The following RNF216 variants were observed in gnomAD, a reference collection of about 807,000 sequenced individuals.
RNF216 encodes the protein E3 ubiquitin-protein ligase RNF216.
RNF216 carries 72 observed loss-of-function variants against 110.8 expected under a neutral mutation model. The ratio of observed to expected loss-of-function variants is 0.65; its 90% CI spans 0.54 to 0.79. RNF216 has a LOEUF of 0.79. Among genes scored for constraint, RNF216 ranks in the 30% least tolerant of loss-of-function variants. RNF216 has a pLI of 0.00. For synonymous variants in RNF216, 495 were observed against 407.5 expected (o/e 1.21, Z -2.59); for missense variants, 1,342 against 1,141.2 (o/e 1.18, Z -2.54).
chr7:5,671,805 C>CAAAAAAAAAAAAAA (rs11319565), intron 13 of RNF216, among the ~76,000 whole-genome samples: 7 of 54,216 alleles, frequency 1.3e-4, no homozygotes, highest in Non-Finnish European at 1.6e-4. Context: ...AACTCCGTCT[C>CAAAAAAAAAAAAAA]AAAAAAAAAA....
chr7:5,758,586 G>C (rs1409512473), intron 2 of RNF216, among the ~76,000 whole-genome samples: 1 of 152,176 alleles, frequency 6.6e-6, no homozygotes, highest in Non-Finnish European at 1.5e-5. Flanking sequence ...ATGAATGTGA[G>C]ATGTGGAGTC....
chr7:5,736,981 T>A (rs1794456806), intron 5 of RNF216, among the ~76,000 whole-genome samples: 1 of 151,442 alleles, frequency 6.6e-6, no homozygotes, highest in Non-Finnish European at 1.5e-5. Flanking sequence ...TTCTGGGAAG[T>A]GAGGAGCCCC....
intron 1 of RNF216, among the ~76,000 whole-genome samples, chr7:5,763,929 C>G (rs1425707041): frequency 6.6e-6 from 1 of 152,164 alleles, no homozygotes; most frequent in Non-Finnish European, 1.5e-5. Context: ...CAGCTCATGG[C>G]TGTAATCTAA....
At chr7:5,643,740 G>A (rs1171385618) in intron 14 of RNF216, among the ~76,000 whole-genome samples, 7 of 152,164 alleles carry the variant, frequency 4.6e-5, no homozygotes, top group African/African-American at 1.7e-4. Flanking sequence ...GATATTTTGA[G>A]TATTCACGAT....
chr7:5,739,484 T>A, intron 4 of RNF216, 132 bp from the exon 5 acceptor site: 1 of 873,542 alleles, frequency 1.1e-6, no homozygotes, highest in South Asian at 1.4e-5. Flanking sequence ...GGTCTGTGTG[T>A]GTCTTCAAAT....
chr7:5,759,262 C>G (rs1272695326), intron 2 of RNF216, among the ~76,000 whole-genome samples: 1 of 152,094 alleles, frequency 6.6e-6, no homozygotes, highest in Non-Finnish European at 1.5e-5. Flanking sequence ...AATTGTGAAC[C>G]AATTAAACCT....
Position 5,712,771 on chromosome 7 carries a change from G to A in RNF216, c.1926C>T (p.Tyr642=). 1 of 1,614,074 alleles carries A rather than the reference G, an allele frequency of 6.2e-7. No individual in the cohort carries two copies. Among genetic ancestry groups the A allele is most frequent in the Non-Finnish European group, 8.5e-7 (1 of 1,180,022 alleles). ...KVLPQTILYK[Y]YERKAEEEVA... ...CCTCCTCCTCGGCTTTTCGCTCATA[G>A]TACTTATACAGGATGGTCTGGGGGA... is the stretch of plus-strand genomic sequence containing the variant. The change falls in exon 12 of 17, where the codon TAC becomes TAT. Residue 642 remains tyrosine, a synonymous_variant. Transcript: ENST00000389902.
At chr7:5,652,820 G>A (rs1334109310) in intron 13 of RNF216, among the ~76,000 whole-genome samples, 1 of 152,088 alleles carries the variant, frequency 6.6e-6, no homozygotes, top group Non-Finnish European at 1.5e-5. Context: ...TGGGGGAGGA[G>A]AGGGGAGTGG....
At chr7:5,735,810 G>C (rs1397161069) in intron 5 of RNF216, among the ~76,000 whole-genome samples, 3 of 152,186 alleles carry the variant, frequency 2.0e-5, no homozygotes, top group Non-Finnish European at 4.4e-5. Flanking sequence ...AAGATTAAGG[G>C]AAGGCCAGGT....
At chr7:5,716,042 CA>C (rs1793042408) in intron 10 of RNF216, among the ~76,000 whole-genome samples, 1 of 152,024 alleles carries the variant, frequency 6.6e-6, no homozygotes, top group Non-Finnish European at 1.5e-5. Flanking sequence ...CATCCAGCCC[CA>C]TTCTTTTATT....
At chr7:5,644,728 C>T (rs1026965158) in intron 14 of RNF216, among the ~76,000 whole-genome samples, 1 of 152,110 alleles carries the variant, frequency 6.6e-6, no homozygotes, top group Non-Finnish European at 1.5e-5. Context: ...TGGTCTTAAA[C>T]TCCTGGGCTT....
At chr7:5,740,382 T>A (rs1794688602) in intron 4 of RNF216, among the ~76,000 whole-genome samples, 1 of 152,092 alleles carries the variant, frequency 6.6e-6, no homozygotes, top group Non-Finnish European at 1.5e-5. Context: ...CACCTTGGCC[T>A]CCCAAAGTGC....
intron 1 of RNF216, among the ~76,000 whole-genome samples, chr7:5,767,661 C>T (rs1283316726): frequency 1.3e-5 from 2 of 150,302 alleles, no homozygotes; most frequent in African/African-American, 4.9e-5. Context: ...AGTAATGGTG[C>T]GATCTTGGCT....
At chr7:5,734,300 T>C (rs945832020) in intron 5 of RNF216, among the ~76,000 whole-genome samples, 1 of 152,184 alleles carries the variant, frequency 6.6e-6, no homozygotes, top group East Asian at 1.9e-4. Context: ...GGTTCTACCC[T>C]ACATGAATAA....
intron 13 of RNF216, among the ~76,000 whole-genome samples, chr7:5,709,555 A>G (rs1195882001): frequency 3.3e-5 from 5 of 152,316 alleles, no homozygotes; most frequent in South Asian, 4.1e-4. Context: ...AACTACTCAC[A>G]TGTTTCACTG....
At chr7:5,756,486 C>T (rs1795650416) in intron 2 of RNF216, among the ~76,000 whole-genome samples, 1 of 152,216 alleles carries the variant, frequency 6.6e-6, no homozygotes, top group Non-Finnish European at 1.5e-5. Context: ...CCTCCACCTC[C>T]TGGGTTCAAG....
chr7:5,738,565 A>G (rs796338801), intron 5 of RNF216, among the ~76,000 whole-genome samples: 71 of 152,036 alleles, frequency 4.7e-4, no homozygotes, highest in African/African-American at 1.7e-3. Context: ...AAAATTAGCC[A>G]GGCGTGCTGG....
At chr7:5,721,275 G>T in intron 8 of RNF216, 103 bp from the exon 9 acceptor site, 1 of 1,024,216 alleles carries the variant, frequency 9.8e-7, no homozygotes, top group Non-Finnish European at 1.4e-6. Flanking sequence ...CCTTCTCTCT[G>T]ATGGTACGTT....
At chr7:5,707,670 C>T (rs1286871247) in intron 13 of RNF216, among the ~76,000 whole-genome samples, 1 of 149,792 alleles carries the variant, frequency 6.7e-6, no homozygotes, top group African/African-American at 2.5e-5. Flanking sequence ...GATATCCTTG[C>T]CTTGTTCCTG....
Sources: gnomAD v4.1 joint callset for allele counts (sites outside exome capture counted in the v4.1 genomes callset) on GRCh38, gnomAD v4.1.1 for gene constraint, MANE v1.5 for transcripts, NCBI Gene and HGNC (gene_info 2026-07-23, HGNC 2026-07-21) for gene names.